DENND1A: variants seen among roughly 807,000 people sequenced by gnomAD.
DENND1A encodes the protein DENN domain-containing protein 1A.
DENND1A carries 51 observed loss-of-function variants against 113.7 expected under a neutral mutation model. The ratio of observed to expected loss-of-function variants is 0.45; its 90% CI spans 0.36 to 0.57. The LOEUF is 0.57. Ranked by LOEUF, DENND1A falls within the 20% of genes least tolerant of loss-of-function variation. The pLI, the probability that DENND1A is intolerant of heterozygous loss-of-function variation, is 0.00. For missense variants in DENND1A, 1,258 were observed against 1,395.9 expected, an observed-to-expected ratio of 0.90 and a Z score of 1.57; for synonymous variants, 565 against 570.8, an observed-to-expected ratio of 0.99 and a Z score of 0.14.
At chr9:123,407,191 G>C (rs1452093236) in intron 20 of DENND1A, among the ~76,000 whole-genome samples, 1 of 151,830 alleles carries the variant, frequency 6.6e-6, no homozygotes, top group Non-Finnish European at 1.5e-5. Flanking sequence ...GCACGGAGCT[G>C]GAGCCTCGGA....
At chr9:123,421,093 G>T (rs564392387) in intron 19 of DENND1A, among the ~76,000 whole-genome samples, 1 of 145,794 alleles carries the variant, frequency 6.9e-6, no homozygotes, top group East Asian at 2.0e-4. Flanking sequence ...GCTGTCGAGG[G>T]TGCCTGGGTG....
intron 5 of DENND1A, among the ~76,000 whole-genome samples, chr9:123,682,910 T>C (rs2064562184): frequency 6.6e-6 from 1 of 152,176 alleles, no homozygotes; most frequent in Non-Finnish European, 1.5e-5. Context: ...TCATACCATG[T>C]GGTCAACCAG....
chr9:123,902,853 G>C (rs904246813), intron 1 of DENND1A, among the ~76,000 whole-genome samples: 2 of 139,714 alleles, frequency 1.4e-5, no homozygotes, highest in South Asian at 2.2e-4. Flanking sequence ...ATCAAAATCC[G>C]ACAAGATTAC....
intron 12 of DENND1A, among the ~76,000 whole-genome samples, chr9:123,578,974 G>A (rs1172678936): frequency 6.6e-6 from 1 of 152,166 alleles, no homozygotes; most frequent in Non-Finnish European, 1.5e-5. Flanking sequence ...TACAAAGTAT[G>A]AAGTTATGAA....
intron 8 of DENND1A, among the ~76,000 whole-genome samples, chr9:123,661,201 G>C (rs997061509): frequency 3.9e-5 from 6 of 152,326 alleles, no homozygotes; most frequent in South Asian, 4.1e-4. Context: ...AATAAAAATA[G>C]GAGTAATTCA....
chr9:123,811,900 C>CA (rs1836684421), intron 2 of DENND1A, among the ~76,000 whole-genome samples: 2 of 152,274 alleles, frequency 1.3e-5, no homozygotes, highest in South Asian at 4.1e-4. Flanking sequence ...CTCTGAAATA[C>CA]AGTGATGTGT....
At chr9:123,806,382 G>A (rs1018205048) in intron 2 of DENND1A, among the ~76,000 whole-genome samples, 4 of 151,910 alleles carry the variant, frequency 2.6e-5, no homozygotes, top group African/African-American at 4.8e-5. Flanking sequence ...CAGCCTCCCC[G>A]AGTAGTTGGG....
chr9:123,548,099 G>A (rs2056819225), intron 13 of DENND1A, among the ~76,000 whole-genome samples: 1 of 152,104 alleles, frequency 6.6e-6, no homozygotes, highest in Non-Finnish European at 1.5e-5. Flanking sequence ...TGATTCCAAA[G>A]GCCATACTCC....
chr9:123,567,510 C>G (rs1185621280), intron 12 of DENND1A, among the ~76,000 whole-genome samples: 2 of 152,160 alleles, frequency 1.3e-5, no homozygotes, highest in Non-Finnish European at 2.9e-5. Context: ...TGCTCTATTT[C>G]TAATGAACCA....
At chr9:123,412,398 G>A (rs549188775) in intron 19 of DENND1A, among the ~76,000 whole-genome samples, 13 of 152,284 alleles carry the variant, frequency 8.5e-5, no homozygotes, top group African/African-American at 2.4e-4. Context: ...CTGTCGGCTC[G>A]GATGCTGCCT....
intron 13 of DENND1A, among the ~76,000 whole-genome samples, chr9:123,516,097 TACACACACATACACAC>T (rs1564633536): frequency 1.8e-5 from 1 of 56,792 alleles, no homozygotes; most frequent in Non-Finnish European, 3.2e-5. Context: ...TAGATATATA[TACACACACATACACAC>T]ACACACACAC....
intron 13 of DENND1A, among the ~76,000 whole-genome samples, chr9:123,552,923 G>A (rs2057189221): frequency 6.6e-6 from 1 of 152,234 alleles, no homozygotes; most frequent in African/African-American, 2.4e-5. Flanking sequence ...AAGATGTTTA[G>A]CACAGTGTGG....
At chr9:123,771,540 G>T (rs1829732233) in intron 3 of DENND1A, among the ~76,000 whole-genome samples, 1 of 152,124 alleles carries the variant, frequency 6.6e-6, no homozygotes, top group Admixed American at 6.6e-5. Flanking sequence ...AAAGTTATAG[G>T]TGCAGAAAGC....
chr9:123,910,108 G>A (rs1391115917), intron 1 of DENND1A, among the ~76,000 whole-genome samples: 1 of 151,992 alleles, frequency 6.6e-6, no homozygotes, highest in Non-Finnish European at 1.5e-5. Context: ...TACAAATTAG[G>A]GATGCAATGC....
At chr9:123,392,269 C>G (rs2042896680) in intron 21 of DENND1A, among the ~76,000 whole-genome samples, 2 of 152,122 alleles carry the variant, frequency 1.3e-5, no homozygotes, top group Admixed American at 1.3e-4. Flanking sequence ...GTGGACAAAT[C>G]AGCAGCACGT....
intron 4 of DENND1A, among the ~76,000 whole-genome samples, chr9:123,766,640 T>G (rs1251169509): frequency 2.0e-5 from 3 of 152,244 alleles, no homozygotes; most frequent in Non-Finnish European, 4.4e-5. Flanking sequence ...AAATCTAGGT[T>G]GTGCTCAGAG....
At chr9:123,780,893 T>C (rs1442864757) in intron 3 of DENND1A, among the ~76,000 whole-genome samples, 1 of 152,164 alleles carries the variant, frequency 6.6e-6, no homozygotes, top group Non-Finnish European at 1.5e-5. Flanking sequence ...AAGTGTTACA[T>C]ACCCAGTGAT....
chr9:123,911,613 A>T (rs1853980007), intron 1 of DENND1A, among the ~76,000 whole-genome samples: 1 of 152,214 alleles, frequency 6.6e-6, no homozygotes, highest in South Asian at 2.1e-4. Flanking sequence ...ACCCATGAGC[A>T]TATACTGCAA....
In DENND1A at chr9:123,538,469, C is replaced by T. The variant is rs1047772573; in HGVS notation, c.993+19101G>A. On this transcript the variant is annotated intron_variant, in intron 13 of 23. Coordinates refer to ENST00000394215, the MANE Select transcript of DENND1A (RefSeq NM_001352964.2). ...AAACCAGTGCTTCCTGAAGAAATGT[C>T]TGATTCCAGGTTTGGGGGTAGGATG... is the stretch of plus-strand genomic sequence containing the variant. 2.6e-5 allele frequency among the ~76,000 whole-genome samples: 4 copies of T among 152,062 alleles called. No homozygotes were observed. In the East Asian group the frequency reaches 7.8e-4, roughly 30 times the overall value.
Sources: gnomAD v4.1 joint callset for allele counts (sites outside exome capture counted in the v4.1 genomes callset) on GRCh38, gnomAD v4.1.1 for gene constraint, MANE v1.5 for transcripts, NCBI Gene and HGNC (gene_info 2026-07-23, HGNC 2026-07-21) for gene names.